The following IQSEC1 variants were observed in gnomAD, a reference collection of about 807,000 sequenced individuals.
IQSEC1 encodes IQ motif and SEC7 domain-containing protein 1.
In IQSEC1, 31 loss-of-function variants were observed where a neutral mutation model predicts 91.0. The ratio of observed to expected loss-of-function variants is 0.34; its 90% CI spans 0.26 to 0.46. The LOEUF (loss-of-function observed/expected upper bound fraction) is 0.46, where lower values mean the gene tolerates loss of function less well. Ranked by LOEUF, IQSEC1 falls within the 20% of genes least tolerant of loss-of-function variation. The probability of loss-of-function intolerance (pLI) is 1.00; values close to 1 mark genes in which losing one functional copy is unlikely to be tolerated. For synonymous variants in IQSEC1, 699 were observed against 662.6 expected (o/e 1.05, Z -0.84); for missense variants, 1,388 against 1,575.6 (o/e 0.88, Z 2.02).
In IQSEC1 at chr3:12,953,305, ACT is replaced by A. The variant is rs767830977; in HGVS notation, c.24-11442_24-11441del. On this transcript the variant is annotated intron_variant, in intron 1 of 13. Transcript: ENST00000613206. Reference sequence around the variant, plus strand: ...CAGCCCGACCCGATCCGCGAGGGACACTGAGGCTGATTGTCCGGTTGCCTCCA... The same window carrying A: ...CAGCCCGACCCGATCCGCGAGGGACAGAGGCTGATTGTCCGGTTGCCTCCA... Among the ~76,000 whole-genome samples, 47 of 152,344 alleles carry A rather than the reference ACT, an allele frequency of 3.1e-4. No individual in the cohort carries two copies. In the Middle Eastern group the frequency reaches 0.017, roughly 55 times the overall value.
intron 7 of IQSEC1, 149 bp downstream of exon 7, chr3:12,915,445 C>CA: frequency 1.3e-6 from 1 of 766,780 alleles, no homozygotes; most frequent in Non-Finnish European, 2.1e-6. Flanking sequence ...TGACAGGAGA[C>CA]ACTCGAAAAA....
chr3:12,904,616 C>T (rs892106580), intron 12 of IQSEC1, among the ~76,000 whole-genome samples: 5 of 152,124 alleles, frequency 3.3e-5, no homozygotes, highest in Non-Finnish European at 2.9e-5. Context: ...TGGGTGGCCA[C>T]GGCCATCAGA....
Position 13,214,512 on chromosome 3 carries a change from C to T in IQSEC1, c.273-50379G>A, listed in dbSNP as rs1307507958. Among the ~76,000 whole-genome samples the T allele has an allele frequency of 6.6e-6, 1 of 152,270 alleles. No individual in the cohort carries two copies. Among genetic ancestry groups the T allele is most frequent in the Admixed American group, 6.5e-5 (1 of 15,292 alleles). On this transcript the variant is annotated intron_variant, in intron 1 of 15. Coordinates refer to the IQSEC1 transcript ENST00000648114. The surrounding 1 kb of genome is among the most constrained non-coding windows in gnomAD (Gnocchi z 4.5). Reference sequence around the variant, plus strand: ...TCCTCCAAGAAACAAATGGGAAACTCCCTTTCATGGCCTCCATTGCACGTG... The same window carrying T: ...TCCTCCAAGAAACAAATGGGAAACTTCCTTTCATGGCCTCCATTGCACGTG...
chr3:12,926,165 C>T (rs941669675), intron 3 of IQSEC1, among the ~76,000 whole-genome samples: 1 of 152,160 alleles, frequency 6.6e-6, no homozygotes, highest in Non-Finnish European at 1.5e-5. Flanking sequence ...CCAAAATTGG[C>T]TGGGCGTGGT....
chr3:13,243,816 G>T (rs1695063737), intron 1 of IQSEC1, among the ~76,000 whole-genome samples: 1 of 152,090 alleles, frequency 6.6e-6, no homozygotes. Flanking sequence ...TGGCAGAATG[G>T]GAAGCAGTGG....
intron 7 of IQSEC1, 135 bp downstream of exon 7, chr3:12,915,459 C>A: frequency 1.0e-6 from 1 of 953,028 alleles, no homozygotes; most frequent in Non-Finnish European, 1.6e-6. Context: ...CGAAAAAACC[C>A]CAAGCCCTGG....
chr3:13,109,417 C>T (rs1369011758), intron 2 of IQSEC1, among the ~76,000 whole-genome samples: 1 of 152,152 alleles, frequency 6.6e-6, no homozygotes, highest in East Asian at 1.9e-4. Context: ...CATATCCAAG[C>T]TCTGCCACTC....
At position 13,278,609 on chromosome 3, in the gene IQSEC1, A is replaced by G. The variant is rs541410551; in HGVS notation, c.272+4102T>C. On this transcript the variant is annotated intron_variant, in intron 1 of 15. Transcript: ENST00000648114. ...CAAGGCAGGTGGATCACCTGAGGTC[A>G]GGAGTTTCAGAGCAGCCTGACCAAC... 1.8e-4 allele frequency among the ~76,000 whole-genome samples: 28 copies of G among 152,292 alleles called. 1 individual carries two copies. The highest frequency in any genetic ancestry group is 1.7e-3 in the Admixed American group (26 of 15,308).
intron 2 of IQSEC1, among the ~76,000 whole-genome samples, chr3:13,117,152 C>G (rs897111683): frequency 2.7e-5 from 4 of 149,934 alleles, no homozygotes; most frequent in Non-Finnish European, 4.4e-5. Context: ...ATAAGCAACT[C>G]GATTAAATCA....
intron 1 of IQSEC1, among the ~76,000 whole-genome samples, chr3:13,225,858 T>C (rs1481755865): frequency 6.6e-6 from 1 of 150,978 alleles, no homozygotes; most frequent in East Asian, 1.9e-4. Context: ...AGAAAGGCTA[T>C]TTGATTTGTT....
At chr3:13,270,368 C>T (rs887787908) in intron 1 of IQSEC1, among the ~76,000 whole-genome samples, 2 of 152,236 alleles carry the variant, frequency 1.3e-5, no homozygotes, top group African/African-American at 4.8e-5. Context: ...AAAACCTACC[C>T]TGAGGCAGGA....
chr3:13,011,189 A>C (rs1702867803), intron 1 of IQSEC1, among the ~76,000 whole-genome samples: 1 of 152,104 alleles, frequency 6.6e-6, no homozygotes, highest in Non-Finnish European at 1.5e-5. Flanking sequence ...CACCATGTGC[A>C]TTTCCTGAGC....
intron 10 of IQSEC1, among the ~76,000 whole-genome samples, chr3:12,910,353 C>G: frequency 6.6e-6 from 1 of 152,258 alleles, no homozygotes. Context: ...AGACATGATC[C>G]AGGTGCAGCC....
chr3:13,057,325 T>C (rs1003135149), intron 1 of IQSEC1, among the ~76,000 whole-genome samples: 1 of 152,176 alleles, frequency 6.6e-6, no homozygotes, highest in East Asian at 1.9e-4. Context: ...ACACAGCGTA[T>C]ACCTGCTGGG....
At chr3:13,208,237 A>C (rs542659858) in intron 1 of IQSEC1, among the ~76,000 whole-genome samples, 1 of 150,956 alleles carries the variant, frequency 6.6e-6, no homozygotes, top group Non-Finnish European at 1.5e-5. Flanking sequence ...CTTGGGAGAC[A>C]CATCCTCTCC....
intron 1 of IQSEC1, among the ~76,000 whole-genome samples, chr3:13,022,828 C>A (rs866430096): frequency 6.6e-6 from 1 of 152,104 alleles, no homozygotes; most frequent in East Asian, 1.9e-4. Context: ...GTTGGCCCTC[C>A]AAGGGTCTCC....
intron 1 of IQSEC1, among the ~76,000 whole-genome samples, chr3:13,046,571 G>C (rs1373095142): frequency 6.6e-6 from 1 of 152,092 alleles, no homozygotes; most frequent in Non-Finnish European, 1.5e-5. Context: ...GTCTCTTTTT[G>C]GGCTTGTTCA....
chr3:12,917,899 C>T (rs146748597), intron 6 of IQSEC1, among the ~76,000 whole-genome samples: 107 of 152,346 alleles, frequency 7.0e-4, no homozygotes, highest in African/African-American at 2.3e-3. Flanking sequence ...TGAGCTACTC[C>T]GCCTTCACAG....
At chr3:13,032,238 T>C (rs1404859395) in intron 1 of IQSEC1, among the ~76,000 whole-genome samples, 1 of 152,254 alleles carries the variant, frequency 6.6e-6, no homozygotes, top group Non-Finnish European at 1.5e-5. Flanking sequence ...ATGAGGGCAC[T>C]GACACTGACT....
Sources: gnomAD v4.1 joint callset for allele counts (sites outside exome capture counted in the v4.1 genomes callset) on GRCh38, gnomAD v4.1.1 for gene constraint, Gnocchi (gnomAD v3.1) non-coding constraint, MANE v1.5 for transcripts, NCBI Gene and HGNC (gene_info 2026-07-23, HGNC 2026-07-21) for gene names.